The following MEGF10 variants were observed in gnomAD, a reference collection of about 807,000 sequenced individuals.
The protein encoded by MEGF10 is multiple EGF like domains 10.
MEGF10 carries 86 observed loss-of-function variants against 147.5 expected under a neutral mutation model. The observed-to-expected ratio is 0.58, with a 90% CI of 0.49 to 0.70. MEGF10 has a LOEUF of 0.70. MEGF10 is among the 30% of genes least tolerant of loss of function. MEGF10 has a pLI of 0.00. For missense variants in MEGF10, 1,329 were observed against 1,487.3 expected (o/e 0.89, Z 1.75); for synonymous variants, 478 against 525.5 (o/e 0.91, Z 1.24).
the MEGF10 span, among the ~76,000 whole-genome samples, chr5:127,255,680 T>G: frequency 6.6e-6 from 1 of 152,176 alleles, no homozygotes. Context: ...TCTTAATACA[T>G]TCAAGCACTT....
At chr5:127,277,172 C>T in the MEGF10 span, among the ~76,000 whole-genome samples, 5 of 152,326 alleles carry the variant, frequency 3.3e-5, no homozygotes, top group African/African-American at 9.6e-5. Flanking sequence ...GACCAAGGCA[C>T]TCATTTCCCC....
chr5:127,358,659 A>G (rs1762364050), intron 4 of MEGF10, among the ~76,000 whole-genome samples: 1 of 152,186 alleles, frequency 6.6e-6, no homozygotes, highest in South Asian at 2.1e-4. Flanking sequence ...TCCCAAATGA[A>G]GGTACCTTCC....
the MEGF10 span, among the ~76,000 whole-genome samples, chr5:127,240,440 C>T: frequency 9.2e-5 from 14 of 152,208 alleles, no homozygotes; most frequent in African/African-American, 3.1e-4. Flanking sequence ...TGCTTGATAT[C>T]GACACATAAT....
chr5:127,338,926 A>G (rs1761569023), intron 2 of MEGF10, among the ~76,000 whole-genome samples, 194 bp from the exon 3 acceptor site: 1 of 152,102 alleles, frequency 6.6e-6, no homozygotes, highest in Non-Finnish European at 1.5e-5. Flanking sequence ...GTTGTATTTT[A>G]AATGTATTGT....
At chr5:127,329,458 A>G (rs1234830138) in intron 1 of MEGF10, among the ~76,000 whole-genome samples, 1 of 152,072 alleles carries the variant, frequency 6.6e-6, no homozygotes, top group East Asian at 1.9e-4. Context: ...AGAATTTAAT[A>G]TTTCCTCATT....
chr5:127,364,330 T>A (rs556291031), intron 4 of MEGF10, among the ~76,000 whole-genome samples: 1 of 152,348 alleles, frequency 6.6e-6, no homozygotes, highest in South Asian at 2.1e-4. Flanking sequence ...CATATGGAAT[T>A]GTCCATTTGG....
chr5:127,431,069 A>G (rs1247260433), intron 13 of MEGF10, among the ~76,000 whole-genome samples: 1 of 152,248 alleles, frequency 6.6e-6, no homozygotes, highest in African/African-American at 2.4e-5. Flanking sequence ...AATGATGGGT[A>G]AACCATATGA....
chr5:127,266,947 T>C, the MEGF10 span, among the ~76,000 whole-genome samples: 2 of 152,204 alleles, frequency 1.3e-5, no homozygotes, highest in Non-Finnish European at 2.9e-5. Context: ...GGCCAGAACT[T>C]CCAACACTAT....
chr5:127,306,065 A>G (rs1249463139), intron 1 of MEGF10, among the ~76,000 whole-genome samples: 1 of 152,202 alleles, frequency 6.6e-6, no homozygotes, highest in Non-Finnish European at 1.5e-5. Context: ...TCTTCACCCA[A>G]GGAAGGTTTC....
chr5:127,266,207 G>C, the MEGF10 span, among the ~76,000 whole-genome samples: 2 of 151,598 alleles, frequency 1.3e-5, no homozygotes, highest in Non-Finnish European at 2.9e-5. Context: ...TGTTTCAAAG[G>C]TTTGTCAAAG....
At chr5:127,424,140 A>C (rs926112680) in intron 13 of MEGF10, among the ~76,000 whole-genome samples, 1 of 152,264 alleles carries the variant, frequency 6.6e-6, no homozygotes, top group African/African-American at 2.4e-5. Flanking sequence ...TCTTTCCCCC[A>C]CTGAATTGTC....
chr5:127,451,947 C>A (rs1472714265), intron 22 of MEGF10, among the ~76,000 whole-genome samples: 1 of 152,234 alleles, frequency 6.6e-6, no homozygotes, highest in Admixed American at 6.5e-5. Context: ...CACAAAAGAC[C>A]CTGAGATATA....
chr5:127,427,545 C>T (rs1437296783), intron 13 of MEGF10, among the ~76,000 whole-genome samples: 1 of 151,786 alleles, frequency 6.6e-6, no homozygotes, highest in African/African-American at 2.4e-5. Context: ...CACCTGTGGG[C>T]AAGTTGATGT....
At chr5:127,323,618 C>A (rs147497201) in intron 1 of MEGF10, among the ~76,000 whole-genome samples, 290 of 152,298 alleles carry the variant, frequency 1.9e-3, no homozygotes, top group African/African-American at 6.6e-3. Flanking sequence ...GTATGACATA[C>A]TTAAACATAG....
At position 127,459,699 on chromosome 5, in the gene MEGF10, C is replaced by T. The variant is rs1766496551; in HGVS notation, c.*2381C>T. On this transcript the variant is annotated 3_prime_UTR_variant, in exon 25 of 25. Coordinates refer to ENST00000503335, the MANE Select transcript of MEGF10 (RefSeq NM_001256545.2). ...GGCCACTGCCATCCCTTCCTGTGTG[C>T]TCTTTTTGACAAGTAAATCACTCCA... 1 of 152,176 alleles carries T rather than the reference C, an allele frequency of 6.6e-6. No homozygotes were observed. Among genetic ancestry groups the T allele is most frequent in the Non-Finnish European group, 1.5e-5 (1 of 68,032 alleles). 9.4% of individuals were successfully genotyped at this position (152,176 alleles called of 1,614,324 possible).
Position 127,460,048 on chromosome 5 carries a change from A to G in MEGF10, c.*2730A>G, listed in dbSNP as rs755656945. ...GACATTGATGTCACTCTTCATACCA[A>G]GTGAATCTATTCTCATGAACTTTGA... On this transcript the variant is annotated 3_prime_UTR_variant, in exon 25 of 25. Transcript: ENST00000503335. The G allele has an allele frequency of 6.6e-6, 1 of 152,184 alleles. No homozygotes were observed. Among genetic ancestry groups the G allele is most frequent in the Admixed American group, 6.5e-5 (1 of 15,276 alleles). The allele number at this position is 152,184 out of a possible 1,614,324, so 9.4% of individuals were successfully genotyped here. A position where few individuals can be genotyped will look rare whatever the true frequency, so the allele number is the denominator to read the frequency against.
At chr5:127,333,775 T>C (rs899525956) in intron 2 of MEGF10, among the ~76,000 whole-genome samples, 7 of 152,134 alleles carry the variant, frequency 4.6e-5, no homozygotes, top group African/African-American at 1.4e-4. Flanking sequence ...TGACTAAATA[T>C]GTACATCAAT....
At chr5:127,290,134 C>T (rs926834650), upstream of MEGF10, among the ~76,000 whole-genome samples, 1 of 152,130 alleles carries the variant, frequency 6.6e-6, no homozygotes, top group African/African-American at 2.4e-5. Flanking sequence ...CAATAAATTG[C>T]CGCGCGAGGC....
chr5:127,409,325 G>C (rs1163174230), intron 8 of MEGF10, among the ~76,000 whole-genome samples: 1 of 152,178 alleles, frequency 6.6e-6, no homozygotes, highest in East Asian at 1.9e-4. Context: ...GGCCTGACTT[G>C]AGAGCCACAT....
Sources: gnomAD v4.1 joint callset for allele counts (sites outside exome capture counted in the v4.1 genomes callset) on GRCh38, gnomAD v4.1.1 for gene constraint, MANE v1.5 for transcripts, NCBI Gene and HGNC (gene_info 2026-07-23, HGNC 2026-07-21) for gene names.